The following LAMP1 variants were observed in gnomAD, a reference collection of about 807,000 sequenced individuals.
LAMP1 encodes lysosome-associated membrane glycoprotein 1.
Under a neutral mutation model 37.5 loss-of-function variants are expected in LAMP1, and 7 were observed. That is an observed-to-expected ratio of 0.19 (90% confidence interval 0.11 to 0.35). The LOEUF is 0.35. LAMP1 is among the 10% of genes least tolerant of loss of function. The probability of loss-of-function intolerance (pLI) is 1.00; values close to 1 mark genes in which losing one functional copy is unlikely to be tolerated. For missense variants in LAMP1, 537 were observed against 552.8 expected (o/e 0.97, Z 0.29); for synonymous variants, 236 against 229.1 (o/e 1.03, Z -0.27).
intron 2 of LAMP1, among the ~76,000 whole-genome samples, chr13:113,309,371 C>G (rs9577227): frequency 0.054 from 8,246 of 152,226 alleles, 615 homozygotes; most frequent in African/African-American, 0.16. Flanking sequence ...AGAGTGTTAG[C>G]ATTACAGGTG....
chr13:113,302,294 T>C (rs112356356), intron 1 of LAMP1, among the ~76,000 whole-genome samples: 1 of 149,274 alleles, frequency 6.7e-6, no homozygotes, highest in African/African-American at 2.5e-5. Context: ...AAGTGATTCT[T>C]CTGCCTCAGC....
chr13:113,317,492 A>G (rs1298482761), intron 4 of LAMP1, among the ~76,000 whole-genome samples: 2 of 152,020 alleles, frequency 1.3e-5, no homozygotes, highest in Non-Finnish European at 2.9e-5. Flanking sequence ...TCTTGTGACC[A>G]CTCTACAGAA....
chr13:113,304,706 G>A (rs939515662), intron 1 of LAMP1, among the ~76,000 whole-genome samples: 23 of 151,786 alleles, frequency 1.5e-4, no homozygotes, highest in African/African-American at 5.3e-4. Flanking sequence ...ACCCAGGCTG[G>A]AGGGCAGTGG....
chr13:113,302,860 T>A (rs2042581216), intron 1 of LAMP1, among the ~76,000 whole-genome samples: 1 of 152,212 alleles, frequency 6.6e-6, no homozygotes, highest in African/African-American at 2.4e-5. Flanking sequence ...ACTAGCTGTG[T>A]GACCTGGGTG....
Position 113,321,987 on chromosome 13 carries a change from T to C in LAMP1, c.1114+260T>C. 1 of 587,710 alleles carries C rather than the reference T, an allele frequency of 1.7e-6. No individual in the cohort carries two copies. The highest frequency in any genetic ancestry group is 3.0e-6 in the Non-Finnish European group (1 of 332,528). 36.4% of individuals were successfully genotyped at this position (587,710 alleles called of 1,614,324 possible). A position where few individuals can be genotyped will look rare whatever the true frequency, so the allele number is the denominator to read the frequency against. On this transcript the variant is annotated intron_variant, in intron 8 of 8. Transcript: ENST00000332556. This position sits in a 1 kb window ranked among gnomAD's most constrained non-coding sequence, Gnocchi z 5.6. ...AGAAACAGTGGTGGCGCTTCTCCCA[T>C]GAACGTTGAATACAACACTGTCATC...
At chr13:113,305,578 C>T (rs2042594314) in intron 1 of LAMP1, 1 of 152,222 alleles carries the variant, frequency 6.6e-6, no homozygotes, top group Non-Finnish European at 1.5e-5. Context: ...GCAGTGACCA[C>T]TGTCCAGCTG....
In LAMP1 at chr13:113,297,941, C is replaced by G. The variant is rs1279957791; in HGVS notation, c.61+446C>G. Reference sequence around the variant, plus strand: ...GTGGGTGACCTAGATCAAGCTCTTCCCAACATGGATTTCACCCAGGACAGG... The same window carrying G: ...GTGGGTGACCTAGATCAAGCTCTTCGCAACATGGATTTCACCCAGGACAGG... On this transcript the variant is annotated intron_variant, in intron 1 of 8. Transcript: ENST00000332556. This position sits in a 1 kb window ranked among gnomAD's most constrained non-coding sequence, Gnocchi z 4.4. 6.6e-6 allele frequency among the ~76,000 whole-genome samples: 1 copy of G among 152,170 alleles called. No homozygotes were observed. Among genetic ancestry groups the G allele is most frequent in the African/African-American group, 2.4e-5 (1 of 41,428 alleles).
Position 113,322,451 on chromosome 13 carries a change from G to A in LAMP1, c.*30G>A. 2 of 1,588,656 alleles carry A rather than the reference G, an allele frequency of 1.3e-6. No homozygotes were observed. Among genetic ancestry groups the A allele is most frequent in the Non-Finnish European group, 1.7e-6 (2 of 1,162,608 alleles). ...GTGCACGCAGGCACAGCAGCTGCAG[G>A]GGCCTCTGTTCCTTTCTCTGGGCTT... On this transcript the variant is annotated 3_prime_UTR_variant, in exon 9 of 9. Transcript: ENST00000332556.
intron 4 of LAMP1, among the ~76,000 whole-genome samples, chr13:113,314,437 C>T (rs1234317198): frequency 1.2e-4 from 9 of 77,922 alleles, no homozygotes; most frequent in African/African-American, 3.3e-4. Context: ...TGTGGAGATG[C>T]CCGTGTGCCT....
intron 5 of LAMP1, among the ~76,000 whole-genome samples, 157 bp downstream of exon 5, chr13:113,319,813 G>A (rs958674100): frequency 1.1e-4 from 17 of 152,340 alleles, no homozygotes; most frequent in African/African-American, 3.1e-4. Context: ...AAGAGCTGGC[G>A]TCTGTGTCAG....
Position 113,297,263 on chromosome 13 carries a change from G to T in LAMP1, c.-172G>T, listed in dbSNP as rs1266827757. The stretch of plus-strand genomic sequence containing the variant: ...CACGTGACAAGCGCTGCCGGCCGCG[G>T]TGTCTTCTTCGTGCCGGCGTCGCAG... On this transcript the variant is annotated 5_prime_UTR_variant, in exon 1 of 9. Transcript: ENST00000332556. The surrounding 1 kb of genome is among the most constrained non-coding windows in gnomAD (Gnocchi z 4.4). 2 of 170,162 alleles carry T rather than the reference G, an allele frequency of 1.2e-5. No homozygotes were observed. Among genetic ancestry groups the T allele is most frequent in the African/African-American group, 4.8e-5 (2 of 41,932 alleles). The allele number at this position is 170,162 out of a possible 1,614,324, so 10.5% of individuals were successfully genotyped here.
intron 4 of LAMP1, among the ~76,000 whole-genome samples, chr13:113,311,473 T>A (rs2042630715): frequency 6.6e-6 from 1 of 152,352 alleles, no homozygotes; most frequent in East Asian, 1.9e-4. Flanking sequence ...GCAGAGATGA[T>A]GGGACCAGGG....
chr13:113,319,267 C>T (rs530700527), intron 4 of LAMP1, among the ~76,000 whole-genome samples: 1 of 152,348 alleles, frequency 6.6e-6, no homozygotes, highest in Admixed American at 6.5e-5. Context: ...CTGTGCCTAC[C>T]GCCCTGAGCC....
chr13:113,312,552 A>T (rs1377170165), intron 4 of LAMP1, among the ~76,000 whole-genome samples: 2 of 152,164 alleles, frequency 1.3e-5, no homozygotes, highest in African/African-American at 4.8e-5. Context: ...CTGGGACTTG[A>T]TGGGGCCACG....
At chr13:113,303,069 A>C (rs1414167208) in intron 1 of LAMP1, among the ~76,000 whole-genome samples, 2 of 152,224 alleles carry the variant, frequency 1.3e-5, no homozygotes, top group Non-Finnish European at 2.9e-5. Context: ...GCAGATGTTT[A>C]ATAACAGCTG....
At chr13:113,316,853 G>A (rs2139372613) in intron 4 of LAMP1, among the ~76,000 whole-genome samples, 1 of 149,786 alleles carries the variant, frequency 6.7e-6, no homozygotes, top group Admixed American at 6.7e-5. Context: ...CTGGGTGGCA[G>A]AGCAACTGAG....
In LAMP1 at chr13:113,321,276, A is replaced by C; in HGVS notation, c.877-128A>C. On this transcript the variant is annotated intron_variant, in intron 6 of 8. Coordinates refer to ENST00000332556, the MANE Select transcript of LAMP1 (RefSeq NM_005561.4). This position sits in a 1 kb window ranked among gnomAD's most constrained non-coding sequence, Gnocchi z 5.6. Reference sequence around the variant, plus strand: ...TTTGCAGTTTTGTTCTAATACTAGAAATGTAGGAAGTCAGGTTTATTACCC... The same window carrying C: ...TTTGCAGTTTTGTTCTAATACTAGACATGTAGGAAGTCAGGTTTATTACCC... 2 of 794,514 alleles carry C rather than the reference A, an allele frequency of 2.5e-6. No individual in the cohort carries two copies. Among genetic ancestry groups the C allele is most frequent in the Non-Finnish European group, 4.4e-6 (2 of 454,280 alleles). The allele number at this position is 794,514 out of a possible 1,614,324, so 49.2% of individuals were successfully genotyped here. A position where few individuals can be genotyped will look rare whatever the true frequency, so the allele number is the denominator to read the frequency against.
rs536864156 is a variant in LAMP1, at chr13:113,312,154, G to A, written c.562+1287G>A. Reference sequence around the variant, plus strand: ...AGGATCGTCCGTCTCACTCCTCCCCGAGGAGCAGGTACTCTTGCAGGTCGG... The same window carrying A: ...AGGATCGTCCGTCTCACTCCTCCCCAAGGAGCAGGTACTCTTGCAGGTCGG... On this transcript the variant is annotated intron_variant, in intron 4 of 8. Transcript: ENST00000332556. 3.9e-5 allele frequency among the ~76,000 whole-genome samples: 6 copies of A among 152,298 alleles called. No individual in the cohort carries two copies. The South Asian group carries it at 6.2e-4, about 16-fold the overall frequency.
At chr13:113,310,513 G>A (rs914562274) in intron 3 of LAMP1, among the ~76,000 whole-genome samples, 196 bp from the exon 4 acceptor site, 4 of 152,000 alleles carry the variant, frequency 2.6e-5, no homozygotes, top group Non-Finnish European at 4.4e-5. Context: ...GCGACAGGGC[G>A]AGACTCTGTC....
Sources: allele counts gnomAD v4.1 joint callset (sites outside exome capture counted in the v4.1 genomes callset), GRCh38; gene constraint gnomAD v4.1.1; non-coding constraint Gnocchi (gnomAD v3.1); transcripts MANE v1.5; gene names NCBI Gene and HGNC (gene_info 2026-07-23, HGNC 2026-07-21).